The following CPNE8 variants were observed in gnomAD, a reference collection of about 807,000 sequenced individuals.
CPNE8 encodes copine-8.
In CPNE8, 45 loss-of-function variants were observed where a neutral mutation model predicts 81.5. That is an observed-to-expected ratio of 0.55 (90% CI 0.44 to 0.71). The LOEUF (loss-of-function observed/expected upper bound fraction) is 0.71. Among genes scored for constraint, CPNE8 ranks in the 30% least tolerant of loss-of-function variants. CPNE8 has a pLI of 0.00. For synonymous variants in CPNE8, 252 were observed against 226.3 expected, an observed-to-expected ratio of 1.11 and a Z score of -1.02; for missense variants, 594 against 672.1, an observed-to-expected ratio of 0.88 and a Z score of 1.28.
intron 19 of CPNE8, among the ~76,000 whole-genome samples, chr12:38,656,864 G>A (rs144342955): frequency 2.2e-4 from 33 of 152,306 alleles, no homozygotes; most frequent in Admixed American, 6.5e-4. Context: ...TGTGGGAGCC[G>A]TAAAGTATTT....
intron 9 of CPNE8, among the ~76,000 whole-genome samples, chr12:38,761,239 A>C: frequency 6.6e-6 from 1 of 152,186 alleles, no homozygotes; most frequent in East Asian, 1.9e-4. Flanking sequence ...TCAGAATCAT[A>C]TGGAGCACTT....
chr12:38,691,394 A>T (rs1016302630), intron 15 of CPNE8, among the ~76,000 whole-genome samples: 4 of 152,182 alleles, frequency 2.6e-5, no homozygotes, highest in Non-Finnish European at 5.9e-5. Context: ...TATGAAGATT[A>T]TATGAGATAA....
chr12:38,739,336 G>T (rs114031272), intron 10 of CPNE8, among the ~76,000 whole-genome samples: 2 of 151,922 alleles, frequency 1.3e-5, no homozygotes, highest in Admixed American at 6.6e-5. Context: ...ACCAAATGAG[G>T]CTCCCGGAAA....
chr12:38,817,412 T>C (rs550972152), intron 6 of CPNE8, among the ~76,000 whole-genome samples: 1 of 152,242 alleles, frequency 6.6e-6, no homozygotes, highest in African/African-American at 2.4e-5. Flanking sequence ...GGTGGGCCAC[T>C]GGACTGTGCT....
intron 13 of CPNE8, among the ~76,000 whole-genome samples, chr12:38,709,318 T>G (rs1940188723): frequency 6.6e-6 from 1 of 152,226 alleles, no homozygotes; most frequent in Non-Finnish European, 1.5e-5. Flanking sequence ...TGAATGACAA[T>G]GCAGACAGAT....
Position 38,753,898 on chromosome 12 carries a change from C to T in CPNE8, c.722+6949G>A, listed in dbSNP as rs564968596. ...AAAAATAGAGCTATATAAAGAGTTC[C>T]GTACTATTCATGGTTTCAGGCATCC... On this transcript the variant is annotated intron_variant, in intron 10 of 19. Coordinates refer to ENST00000331366, the MANE Select transcript of CPNE8 (RefSeq NM_153634.3). Among the ~76,000 whole-genome samples, 14 of 152,166 alleles carry T rather than the reference C, an allele frequency of 9.2e-5. No homozygotes were observed. The East Asian group carries it at 2.3e-3, about 25-fold the overall frequency.
chr12:38,777,801 A>G (rs1475985115), intron 6 of CPNE8, among the ~76,000 whole-genome samples: 1 of 152,170 alleles, frequency 6.6e-6, no homozygotes, highest in African/African-American at 2.4e-5. Context: ...AGGGCTGCAG[A>G]GCACGAGATG....
chr12:38,798,604 G>T (rs1387789054), intron 6 of CPNE8, among the ~76,000 whole-genome samples: 1 of 151,920 alleles, frequency 6.6e-6, no homozygotes, highest in Non-Finnish European at 1.5e-5. Context: ...ATGCCAAATT[G>T]TAAAGACCAT....
intron 6 of CPNE8, among the ~76,000 whole-genome samples, chr12:38,796,781 C>T: frequency 6.6e-6 from 1 of 152,064 alleles, no homozygotes. Context: ...TCAGGGAGTT[C>T]CCTTTCCTAG....
chr12:38,829,059 T>C (rs1943244747), intron 6 of CPNE8, among the ~76,000 whole-genome samples: 1 of 152,172 alleles, frequency 6.6e-6, no homozygotes, highest in Non-Finnish European at 1.5e-5. Context: ...ACTACATATA[T>C]TTACTAACCC....
At chr12:38,778,177 C>T (rs1476220300) in intron 6 of CPNE8, among the ~76,000 whole-genome samples, 1 of 151,954 alleles carries the variant, frequency 6.6e-6, no homozygotes, top group Non-Finnish European at 1.5e-5. Flanking sequence ...CCGAAACTAC[C>T]CCCAAACCCC....
rs540485847 is a variant in CPNE8, at chr12:38,694,290, T to C, written c.962-452A>G. On this transcript the variant is annotated intron_variant, in intron 14 of 19. Coordinates refer to ENST00000331366, the MANE Select transcript of CPNE8 (RefSeq NM_153634.3). Reference sequence around the variant, plus strand: ...TAAATAACTGAATATTTGAGAAGTATCCCAATTTAGCACTTAAAAAAGGGA... The same window carrying C: ...TAAATAACTGAATATTTGAGAAGTACCCCAATTTAGCACTTAAAAAAGGGA... 1.8e-4 allele frequency among the ~76,000 whole-genome samples: 27 copies of C among 152,272 alleles called. No individual in the cohort carries two copies. The East Asian group carries it at 4.6e-3, about 26-fold the overall frequency.
intron 6 of CPNE8, among the ~76,000 whole-genome samples, chr12:38,823,004 T>C (rs1285095793): frequency 7.1e-6 from 1 of 140,448 alleles, no homozygotes; most frequent in East Asian, 1.9e-4. Context: ...CCCTGTTTTA[T>C]GGTGAGTTTG....
chr12:38,774,974 T>G (rs114435519), intron 7 of CPNE8, among the ~76,000 whole-genome samples: 3,025 of 152,288 alleles, frequency 0.02, 100 homozygotes, highest in African/African-American at 0.069. Flanking sequence ...ATCTCACTGT[T>G]CTACTCCTGC....
intron 5 of CPNE8, among the ~76,000 whole-genome samples, chr12:38,838,757 CAT>C (rs1474723082): frequency 2.6e-5 from 4 of 152,106 alleles, no homozygotes. Context: ...TACTTCTTCA[CAT>C]GATTCTGCTG....
chr12:38,806,806 T>C (rs534454421), intron 6 of CPNE8, among the ~76,000 whole-genome samples: 1 of 149,386 alleles, frequency 6.7e-6, no homozygotes, highest in African/African-American at 2.4e-5. Flanking sequence ...AAAGAGGAAG[T>C]CAAATTGTCC....
intron 10 of CPNE8, among the ~76,000 whole-genome samples, chr12:38,757,846 CCAAA>C (rs150078718): frequency 0.098 from 14,847 of 151,932 alleles, 929 homozygotes; most frequent in East Asian, 0.24. Context: ...TTAAATTTCA[CCAAA>C]CAATTTTCCC....
At chr12:38,862,247 T>A (rs559957612) in intron 3 of CPNE8, among the ~76,000 whole-genome samples, 4 of 149,950 alleles carry the variant, frequency 2.7e-5, no homozygotes, top group African/African-American at 1.0e-4. Flanking sequence ...CTTGTTAGCA[T>A]TATACATATT....
chr12:38,778,786 C>T (rs1335164720), intron 6 of CPNE8, among the ~76,000 whole-genome samples: 1 of 152,222 alleles, frequency 6.6e-6, no homozygotes, highest in East Asian at 1.9e-4. Context: ...ACATAAACCT[C>T]TTGTAAGCAC....
Sources: gnomAD v4.1 joint callset for allele counts (sites outside exome capture counted in the v4.1 genomes callset) on GRCh38, gnomAD v4.1.1 for gene constraint, MANE v1.5 for transcripts, NCBI Gene and HGNC (gene_info 2026-07-23, HGNC 2026-07-21) for gene names.